Variants in MYO18B observed in about 807,000 individuals in gnomAD.
MYO18B encodes the protein unconventional myosin-XVIIIb.
In MYO18B, 204 loss-of-function variants were observed where a neutral mutation model predicts 273.0. That is an observed-to-expected ratio of 0.75 (90% confidence interval 0.67 to 0.84). The LOEUF (loss-of-function observed/expected upper bound fraction) is 0.84. Ranked by LOEUF, MYO18B falls within the 40% of genes least tolerant of loss-of-function variation. The pLI, the probability that MYO18B is intolerant of heterozygous loss-of-function variation, is 0.00. For missense variants in MYO18B, 3,212 were observed against 3,287.6 expected, an observed-to-expected ratio of 0.98 and a Z score of 0.56; for synonymous variants, 1,330 against 1,305.7, an observed-to-expected ratio of 1.02 and a Z score of -0.40.
intron 27 of MYO18B, chr22:25,894,826 G>A (rs1354635975): frequency 5.7e-6 from 1 of 175,314 alleles, no homozygotes; most frequent in Non-Finnish European, 1.2e-5. Flanking sequence ...CAGCTCCCTT[G>A]CCCTTAAGGA....
chr22:25,974,598 A>G (rs2093069239), intron 39 of MYO18B, among the ~76,000 whole-genome samples: 1 of 152,244 alleles, frequency 6.6e-6, no homozygotes, highest in Non-Finnish European at 1.5e-5. Context: ...CTGTCATTAT[A>G]GCATGAAAGA....
chr22:25,905,844 A>G (rs1379404940), intron 31 of MYO18B, among the ~76,000 whole-genome samples: 1 of 152,190 alleles, frequency 6.6e-6, no homozygotes, highest in Non-Finnish European at 1.5e-5. Flanking sequence ...ATATCTGTGT[A>G]GGTCTTTAAA....
intron 41 of MYO18B, among the ~76,000 whole-genome samples, chr22:26,003,898 C>G (rs1934199853): frequency 6.6e-6 from 1 of 151,912 alleles, no homozygotes; most frequent in African/African-American, 2.4e-5. Flanking sequence ...ATTACTAATG[C>G]TTTATAGAGG....
At chr22:25,781,471 G>C (rs568993537) in intron 9 of MYO18B, among the ~76,000 whole-genome samples, 2 of 152,130 alleles carry the variant, frequency 1.3e-5, no homozygotes, top group Non-Finnish European at 2.9e-5. Context: ...TTAGCCGGGC[G>C]TGGTGGTGGG....
intron 1 of MYO18B, among the ~76,000 whole-genome samples, chr22:25,742,981 G>C (rs1191291580): frequency 2.0e-5 from 3 of 152,240 alleles, no homozygotes; most frequent in Non-Finnish European, 4.4e-5. Flanking sequence ...GCTATGCTTT[G>C]ACATGGAGCT....
chr22:26,004,523 T>C (rs1018044342), intron 41 of MYO18B, among the ~76,000 whole-genome samples, 195 bp from the exon 42 acceptor site: 2 of 152,210 alleles, frequency 1.3e-5, no homozygotes, highest in African/African-American at 4.8e-5. Context: ...AAGACCCAAA[T>C]TGGCCTCTCC....
At chr22:25,996,596 A>C (rs889383644) in intron 40 of MYO18B, among the ~76,000 whole-genome samples, 1 of 151,928 alleles carries the variant, frequency 6.6e-6, no homozygotes, top group African/African-American at 2.4e-5. Context: ...TGTGTCCAAA[A>C]ATAGAGTGCA....
chr22:25,770,764 C>T (rs2086687632), intron 5 of MYO18B, 108 bp from the exon 6 acceptor site: 2 of 757,676 alleles, frequency 2.6e-6, no homozygotes, highest in African/African-American at 1.7e-5. Context: ...TTCTCCCAAG[C>T]TTGCTGGCCC....
intron 14 of MYO18B, among the ~76,000 whole-genome samples, chr22:25,826,954 G>A (rs901777195): frequency 5.9e-5 from 9 of 152,078 alleles, no homozygotes; most frequent in Non-Finnish European, 7.4e-5. Context: ...CCAGCTACTC[G>A]GGAGGCTGAG....
rs151107976 is a variant in MYO18B at position 25,787,657 on chromosome 22, A to G, written c.2376+2166A>G. 5.3e-3 allele frequency among the ~76,000 whole-genome samples: 810 copies of G among 152,290 alleles called. 8 individuals are homozygous for G. Among genetic ancestry groups the G allele is most frequent in the African/African-American group, 0.018 (730 of 41,544 alleles). On this transcript the variant is annotated intron_variant, in intron 11 of 43. Coordinates refer to ENST00000335473, the MANE Select transcript of MYO18B (RefSeq NM_032608.7). The stretch of plus-strand genomic sequence containing the variant: ...GAGAATGAAATTTCTTTCATTCTCA[A>G]AACTCATGCATGAAACAAGCTGGAA...
rs1389062426 is a variant in MYO18B at position 26,015,635 on chromosome 22, CA to C, written c.6470+10781del. Among the ~76,000 whole-genome samples the C allele has an allele frequency of 5.3e-5, 8 of 152,228 alleles. No homozygotes were observed. In the Middle Eastern group the frequency reaches 0.01, roughly 194 times the overall value. ...TGGACACATAGAGGGGAACAACACA[CA>C]CTGGGGCCTATCAGAAGGTGGAGGG... On this transcript the variant is annotated intron_variant, in intron 42 of 43. Coordinates refer to ENST00000335473, the MANE Select transcript of MYO18B (RefSeq NM_032608.7).
intron 42 of MYO18B, among the ~76,000 whole-genome samples, chr22:26,017,140 T>C (rs1601840709): frequency 7.5e-6 from 1 of 133,958 alleles, no homozygotes; most frequent in African/African-American, 2.8e-5. Context: ...TCCCTTCCAC[T>C]CCCTCCCTCC....
At chr22:25,911,684 C>G (rs927287137) in intron 33 of MYO18B, among the ~76,000 whole-genome samples, 2 of 152,252 alleles carry the variant, frequency 1.3e-5, no homozygotes, top group Non-Finnish European at 2.9e-5. Context: ...CCTCTACCCA[C>G]CACATTGCAG....
At chr22:25,802,102 G>T (rs2088224860) in intron 12 of MYO18B, among the ~76,000 whole-genome samples, 1 of 152,156 alleles carries the variant, frequency 6.6e-6, no homozygotes, top group Admixed American at 6.5e-5. Flanking sequence ...GCAAGTACCC[G>T]ACCTCCCATA....
At chr22:26,021,675 G>C (rs1055360897) in intron 42 of MYO18B, among the ~76,000 whole-genome samples, 2 of 152,230 alleles carry the variant, frequency 1.3e-5, no homozygotes, top group Non-Finnish European at 2.9e-5. Context: ...CTGAGGGTTA[G>C]AGAAGTTAGG....
chr22:25,781,800 TC>T lies in MYO18B; in HGVS notation c.2281del (p.Gln761ArgfsTer14). On this transcript the variant is annotated frameshift_variant, in exon 10 of 44. Coordinates refer to ENST00000335473, the MANE Select transcript of MYO18B (RefSeq NM_032608.7). LOFTEE classifies it high-confidence loss of function. ...AGGGGAAAGTAACTTCCTGGTTTTCTCCCAGATGCTGGCTGGATTGGACTTG... is the reference window on the plus strand; with the variant it reads ...AGGGGAAAGTAACTTCCTGGTTTTCTCCAGATGCTGGCTGGATTGGACTTG... ...PEGESNFLVF[S>X]QMLAGLDLDL... 2 of 1,593,782 alleles carry T rather than the reference TC, an allele frequency of 1.3e-6. No individual in the cohort carries two copies. The highest frequency in any genetic ancestry group is 1.8e-5 in the Admixed American group (1 of 56,664).
chr22:25,828,846 C>G lies in MYO18B; in HGVS notation c.2857C>G (p.Arg953Gly). 6.2e-7 allele frequency: 1 copy of G among 1,613,966 alleles called. No individual in the cohort carries two copies. The change falls in exon 15 of 44, where the codon CGG becomes GGG. Residue 953 changes from arginine to glycine, a missense_variant. Coordinates refer to ENST00000335473, the MANE Select transcript of MYO18B (RefSeq NM_032608.7). Reference sequence around the variant, plus strand: ...GGACTCTCCAGGCTTCCAGAACCCCCGGCACCAGGGCAAGGACCGGGCGGC... The same window carrying G: ...GGACTCTCCAGGCTTCCAGAACCCCGGGCACCAGGGCAAGGACCGGGCGGC... ...VVDSPGFQNP[R>G]HQGKDRAATF...
intron 39 of MYO18B, among the ~76,000 whole-genome samples, chr22:25,956,455 A>G (rs374467125): frequency 9.3e-4 from 142 of 152,294 alleles, no homozygotes; most frequent in African/African-American, 3.2e-3. Flanking sequence ...AGCTCAGGCA[A>G]TCTGCCCACT....
intron 39 of MYO18B, among the ~76,000 whole-genome samples, chr22:25,973,428 G>C (rs932258639): frequency 6.6e-6 from 1 of 152,206 alleles, no homozygotes; most frequent in Non-Finnish European, 1.5e-5. Context: ...TCTTGGCCTG[G>C]AGTTCCTCCA....
Sources: gnomAD v4.1 joint callset for allele counts (sites outside exome capture counted in the v4.1 genomes callset) on GRCh38, gnomAD v4.1.1 for gene constraint, MANE v1.5 for transcripts, NCBI Gene and HGNC (gene_info 2026-07-23, HGNC 2026-07-21) for gene names.